The following ITPK1 variants were observed in gnomAD, a reference collection of about 807,000 sequenced individuals.
The protein encoded by ITPK1 is inositol-tetrakisphosphate 1-kinase, also known as inositol 1,3,4-trisphosphate 5/6-kinase.
Under a neutral mutation model 45.3 loss-of-function variants are expected in ITPK1, and 21 were observed. That is an observed-to-expected ratio of 0.46 (90% confidence interval 0.33 to 0.67). ITPK1 has a LOEUF of 0.67. Among genes scored for constraint, ITPK1 ranks in the 30% least tolerant of loss-of-function variants. ITPK1 has a pLI of 0.02. For missense variants in ITPK1, 474 were observed against 573.5 expected, an observed-to-expected ratio of 0.83 and a Z score of 1.77; for synonymous variants, 258 against 253.6, an observed-to-expected ratio of 1.02 and a Z score of -0.16.
rs184215725 is a variant in ITPK1 at position 93,032,588 on chromosome 14, G to A, written c.121-15787C>T. ...CTCACTTGGGAGAATTCCAGAGAAT[G>A]CTGCCAGGTCACAGAAATTTACTGA... On this transcript the variant is annotated intron_variant, in intron 3 of 10. Transcript: ENST00000267615. This position sits in a 1 kb window ranked among gnomAD's most constrained non-coding sequence, Gnocchi z 4.0. Among the ~76,000 whole-genome samples the A allele has an allele frequency of 1.6e-4, 25 of 152,328 alleles. No homozygotes were observed. The East Asian group carries it at 4.2e-3, about 26-fold the overall frequency.
In ITPK1 at chr14:93,016,529, G is replaced by A; in HGVS notation, c.246+147C>T. ...GCCGCACAGAAGTACCTGCCCACGAGCCCATGTCTTGCCAGTGGCAGAGCC... is the reference window on the plus strand; with the variant it reads ...GCCGCACAGAAGTACCTGCCCACGAACCCATGTCTTGCCAGTGGCAGAGCC... On this transcript the variant is annotated intron_variant, in intron 4 of 10. Coordinates refer to ENST00000267615, the MANE Select transcript of ITPK1 (RefSeq NM_014216.6). The surrounding 1 kb of genome is among the most constrained non-coding windows in gnomAD (Gnocchi z 5.0). 1 of 875,884 alleles carries A rather than the reference G, an allele frequency of 1.1e-6. No homozygotes were observed. Among genetic ancestry groups the A allele is most frequent in the Middle Eastern group, 3.6e-4 (1 of 2,786 alleles). The allele number at this position is 875,884 out of a possible 1,614,324, so 54.3% of individuals were successfully genotyped here. A position where few individuals can be genotyped will look rare whatever the true frequency, so the allele number is the denominator to read the frequency against.
intron 4 of ITPK1, among the ~76,000 whole-genome samples, chr14:93,009,778 C>T (rs749281027): frequency 6.6e-5 from 10 of 152,174 alleles, no homozygotes; most frequent in East Asian, 1.9e-4. Flanking sequence ...CATCGTCACA[C>T]GGCACCAGCT....
Position 92,947,591 on chromosome 14 carries a change from C to T in ITPK1, c.739-1098G>A, listed in dbSNP as rs572374861. 1.9e-4 allele frequency among the ~76,000 whole-genome samples: 29 copies of T among 152,354 alleles called. No individual in the cohort carries two copies. In the South Asian group the frequency reaches 6.0e-3, roughly 32 times the overall value. ...CTCTTCTGTAAAAGGAAGCAACAGG[C>T]CTCCATCTCAGACTTATGTTGATAA... On this transcript the variant is annotated intron_variant, in intron 9 of 10. Transcript: ENST00000267615.
intron 8 of ITPK1, among the ~76,000 whole-genome samples, chr14:92,953,629 C>T (rs763937806): frequency 1.3e-5 from 2 of 152,140 alleles, no homozygotes; most frequent in Admixed American, 6.5e-5. Context: ...TGCCGAATGG[C>T]GGAGAAGGCC....
chr14:92,985,415 T>C (rs1886444083), intron 5 of ITPK1, among the ~76,000 whole-genome samples: 1 of 152,068 alleles, frequency 6.6e-6, no homozygotes. Context: ...ATATGGGAAC[T>C]CTGTGTACTA....
At chr14:92,997,013 A>G (rs1377764716) in intron 4 of ITPK1, among the ~76,000 whole-genome samples, 6 of 152,230 alleles carry the variant, frequency 3.9e-5, no homozygotes, top group African/African-American at 1.2e-4. Flanking sequence ...GTGTATTTGT[A>G]AAGGTAAACT....
intron 3 of ITPK1, among the ~76,000 whole-genome samples, chr14:93,019,351 T>C (rs944444229): frequency 2.0e-5 from 3 of 152,190 alleles, no homozygotes; most frequent in African/African-American, 4.8e-5. Context: ...TCCCCTGGCA[T>C]CAGCCTGAGG....
intron 6 of ITPK1, 62 bp from the exon 7 acceptor site, chr14:92,962,457 T>A (rs2295393): frequency 0.075 from 83,749 of 1,117,092 alleles, 4,113 homozygotes; most frequent in East Asian, 0.22. Context: ...ACAAGGCAGG[T>A]ACTTGGCACG....
At position 92,991,005 on chromosome 14, in the gene ITPK1, G is replaced by A. The variant is rs377000386; in HGVS notation, c.364+2875C>T. Among the ~76,000 whole-genome samples the A allele has an allele frequency of 2.4e-3, 365 of 151,644 alleles. 4 individuals carry two copies. Among genetic ancestry groups the A allele is most frequent in the African/African-American group, 8.7e-3 (356 of 41,096 alleles). On this transcript the variant is annotated intron_variant, in intron 5 of 10. Transcript: ENST00000267615. ...CTGAAAACAGAGCAGTCTTACTGCC[G>A]GGGCAGGGGGGGTGACAACCGGGGC... is the stretch of plus-strand genomic sequence containing the variant.
chr14:93,091,862 C>T (rs1038773231), intron 2 of ITPK1, among the ~76,000 whole-genome samples: 1 of 152,160 alleles, frequency 6.6e-6, no homozygotes, highest in African/African-American at 2.4e-5. Context: ...CCTTGCTGGG[C>T]GTGAGGGATG....
intron 5 of ITPK1, among the ~76,000 whole-genome samples, chr14:92,964,944 T>G (rs1034653375): frequency 2.6e-5 from 4 of 152,206 alleles, no homozygotes; most frequent in Admixed American, 1.3e-4. Context: ...TCATTTACCC[T>G]CATAAGAACC....
In ITPK1 at chr14:93,071,433, T is replaced by C. The variant is rs559223967; in HGVS notation, c.120+5162A>G. ...AGGGTAATGTTCTGAAGCAGTGGAC[T>C]TCAAACCAAACCCCCACAAAATAAA... On this transcript the variant is annotated intron_variant, in intron 3 of 10. Coordinates refer to ENST00000267615, the MANE Select transcript of ITPK1 (RefSeq NM_014216.6). 3.9e-5 allele frequency: 6 copies of C among 152,376 alleles called. No homozygotes were observed. The South Asian group carries it at 6.2e-4, about 16-fold the overall frequency. 9.4% of individuals were successfully genotyped at this position (152,376 alleles called of 1,614,324 possible).
chr14:93,036,969 C>G lies in ITPK1; in HGVS notation c.121-20168G>C, dbSNP rs1290665581. The G allele has an allele frequency of 6.6e-6, 1 of 152,434 alleles. No individual in the cohort carries two copies. Among genetic ancestry groups the G allele is most frequent in the Non-Finnish European group, 1.5e-5 (1 of 68,192 alleles). 9.4% of individuals were successfully genotyped at this position (152,434 alleles called of 1,614,324 possible). A position where few individuals can be genotyped will look rare whatever the true frequency, so the allele number is the denominator to read the frequency against. ...ATGCCCTGGCTGTTCCCCCGGCCCCCACCCCCTAACAATGCTCCTTTTTTC... is the reference window on the plus strand; with the variant it reads ...ATGCCCTGGCTGTTCCCCCGGCCCCGACCCCCTAACAATGCTCCTTTTTTC... On this transcript the variant is annotated intron_variant, in intron 3 of 10. Transcript: ENST00000267615. This position sits in a 1 kb window ranked among gnomAD's most constrained non-coding sequence, Gnocchi z 4.1.
intron 3 of ITPK1, among the ~76,000 whole-genome samples, chr14:93,062,154 TCA>T (rs966524950): frequency 2.0e-5 from 3 of 152,024 alleles, no homozygotes; most frequent in African/African-American, 7.2e-5. Context: ...GCCTGTAATC[TCA>T]GTTACTCTGG....
At chr14:93,006,010 G>C (rs1400454884) in intron 4 of ITPK1, among the ~76,000 whole-genome samples, 1 of 152,212 alleles carries the variant, frequency 6.6e-6, no homozygotes, top group Non-Finnish European at 1.5e-5. Context: ...GAACCCCCTG[G>C]AAAGGCTCCA....
intron 3 of ITPK1, among the ~76,000 whole-genome samples, chr14:93,022,696 G>C (rs1888532931): frequency 1.3e-5 from 2 of 151,964 alleles, no homozygotes; most frequent in South Asian, 2.1e-4. Flanking sequence ...ATTTTTAGTA[G>C]AGATGGGTTT....
chr14:92,939,918 C>T lies in ITPK1; in HGVS notation c.*1643G>A, dbSNP rs577487867. 28 of 985,864 alleles carry T rather than the reference C, an allele frequency of 2.8e-5. No homozygotes were observed. The East Asian group carries it at 1.2e-3, about 44-fold the overall frequency. The allele number at this position is 985,864 out of a possible 1,614,324, so 61.1% of individuals were successfully genotyped here. On this transcript the variant is annotated 3_prime_UTR_variant, in exon 11 of 11. Coordinates refer to ENST00000267615, the MANE Select transcript of ITPK1 (RefSeq NM_014216.6). The stretch of plus-strand genomic sequence containing the variant: ...ACAAAGCAGTGCAAGAGGCCAGCCA[C>T]GCTTTCCTGTTCCCCAGGGCTCAGG...
chr14:93,039,320 C>A (rs1016664881), intron 3 of ITPK1, among the ~76,000 whole-genome samples: 1 of 152,180 alleles, frequency 6.6e-6, no homozygotes, highest in Admixed American at 6.5e-5. Flanking sequence ...AGCTACTCAA[C>A]CTTCTCTCAA....
At chr14:93,111,178 C>T (rs191043244) in intron 2 of ITPK1, among the ~76,000 whole-genome samples, 1 of 152,138 alleles carries the variant, frequency 6.6e-6, no homozygotes, top group Non-Finnish European at 1.5e-5. Context: ...GAAAGCTTCA[C>T]CAAGTCATGT....
Sources: gnomAD v4.1 joint callset for allele counts (sites outside exome capture counted in the v4.1 genomes callset) on GRCh38, gnomAD v4.1.1 for gene constraint, Gnocchi (gnomAD v3.1) non-coding constraint, MANE v1.5 for transcripts, NCBI Gene and HGNC (gene_info 2026-07-23, HGNC 2026-07-21) for gene names.